ETNK2: variants seen among roughly 807,000 people sequenced by gnomAD.
The protein encoded by ETNK2 is ethanolamine kinase-like protein.
A neutral mutation model predicts 46.2 loss-of-function variants in ETNK2; 33 were observed. The observed-to-expected ratio is 0.71, with a 90% CI of 0.54 to 0.96. The LOEUF (loss-of-function observed/expected upper bound fraction) is 0.96, where lower values mean the gene tolerates loss of function less well. ETNK2 is among the 40% of genes least tolerant of loss of function. ETNK2 has a pLI of 0.00. For synonymous variants in ETNK2, 194 were observed against 209.0 expected (o/e 0.93, Z 0.62); for missense variants, 445 against 509.7 (o/e 0.87, Z 1.22).
At chr1:204,149,511 G>T (rs1288872114) in intron 2 of ETNK2, among the ~76,000 whole-genome samples, 192 bp downstream of exon 2, 3 of 152,160 alleles carry the variant, frequency 2.0e-5, no homozygotes, top group Admixed American at 2.0e-4. Context: ...TCCTCCCCCA[G>T]AACTCACCCT....
At chr1:204,147,890 T>C (rs1657854315) in intron 2 of ETNK2, among the ~76,000 whole-genome samples, 1 of 152,154 alleles carries the variant, frequency 6.6e-6, no homozygotes. Flanking sequence ...CCAGAGGCCC[T>C]GGGGCAGAAG....
Position 204,131,760 on chromosome 1 carries a change from G to C in ETNK2, c.*424C>G, listed in dbSNP as rs1408523755. 3 of 206,600 alleles carry C rather than the reference G, an allele frequency of 1.5e-5. No homozygotes were observed. Among genetic ancestry groups the C allele is most frequent in the Admixed American group, 5.1e-5 (1 of 19,576 alleles). 12.8% of individuals were successfully genotyped at this position (206,600 alleles called of 1,614,324 possible). A position where few individuals can be genotyped will look rare whatever the true frequency, so the allele number is the denominator to read the frequency against. On this transcript the variant is annotated 3_prime_UTR_variant, in exon 8 of 8. Coordinates refer to ENST00000367202, the MANE Select transcript of ETNK2 (RefSeq NM_018208.4). This position sits in a 1 kb window ranked among gnomAD's most constrained non-coding sequence, Gnocchi z 4.3. The stretch of plus-strand genomic sequence containing the variant: ...AGCACCTCCCACATGGGGCATGCAG[G>C]GGGAGACGGACTGGAGGCTCAGGGC...
intron 6 of ETNK2, 173 bp from the exon 7 acceptor site, chr1:204,134,761 C>T: frequency 6.9e-7 from 1 of 1,455,834 alleles, no homozygotes; most frequent in East Asian, 2.3e-5. Flanking sequence ...AGTCACTGCA[C>T]AGCATTTGGC....
Position 204,146,680 on chromosome 1 carries a change from G to C in ETNK2, c.603C>G (p.His201Gln). Residue 201 changes from histidine to glutamine, a missense_variant, in exon 3 of 8, where the codon CAC (histidine) becomes CAG (glutamine). Transcript: ENST00000367202. ...CGTTCTTCACAAGCGTGAAATAATT[G>C]TGCATCTTGTGCCAGAGGATGGGCT... is the stretch of plus-strand genomic sequence containing the variant. The part of the protein sequence containing the change: ...LPKPILWHKM[H>Q]NYFTLVKNEI... 1.9e-6 allele frequency: 3 copies of C among 1,614,038 alleles called. No homozygotes were observed. The highest frequency in any genetic ancestry group is 2.5e-6 in the Non-Finnish European group (3 of 1,179,898).
intron 2 of ETNK2, chr1:204,146,971 C>T (rs1262585313): frequency 2.8e-6 from 2 of 703,466 alleles, no homozygotes; most frequent in African/African-American, 3.5e-5. Context: ...AAGACCTTAG[C>T]CTGGCTGCTC....
chr1:204,133,563 G>A (rs1159052681), intron 7 of ETNK2, among the ~76,000 whole-genome samples: 6 of 145,822 alleles, frequency 4.1e-5, no homozygotes, highest in South Asian at 4.2e-4. Context: ...ACGGAGTCTC[G>A]CTCTGTCGCC....
chr1:204,146,093 TC>T (rs1243269237), intron 3 of ETNK2, among the ~76,000 whole-genome samples: 1 of 151,960 alleles, frequency 6.6e-6, no homozygotes, highest in African/African-American at 2.4e-5. Flanking sequence ...GGGGGCAGGG[TC>T]CCCAAAGGCA....
In ETNK2 at chr1:204,149,853, T is replaced by C; in HGVS notation, c.368A>G (p.Asp123Gly). 1 of 1,602,014 alleles carries C rather than the reference T, an allele frequency of 6.2e-7. No individual in the cohort carries two copies. The highest frequency in any genetic ancestry group is 8.5e-7 in the Non-Finnish European group (1 of 1,174,530). ...VYGERTELLV[D>G]RENEVRNFQL... ...GAAGTTTCTGACCTCATTCTCCCGG[T>C]CCACCAGCAGCTCCGTCCGCTCCCC... Residue 123 changes from aspartate to glycine, a missense_variant, in exon 2 of 8, where the codon GAC (aspartate) becomes GGC (glycine). Asp to Gly is a moderately conservative substitution (Grantham distance 94). Coordinates refer to ENST00000367202, the MANE Select transcript of ETNK2 (RefSeq NM_018208.4).
chr1:204,140,164 G>A, intron 4 of ETNK2, 46 bp from the exon 5 acceptor site: 2 of 1,534,792 alleles, frequency 1.3e-6, no homozygotes, highest in Non-Finnish European at 9.0e-7. Flanking sequence ...AGGAGATCTG[G>A]CAACAGAGCC....
Position 204,149,694 on chromosome 1 carries a change from C to A in ETNK2, c.518+9G>T. ...ATAGTAGAGACAGAGGCCCTGGCAC[C>A]CTCCTCACCTGAAAAGCCGGGGCTC... On this transcript the variant is annotated intron_variant, in intron 2 of 7. Transcript: ENST00000367202. 9 of 1,570,784 alleles carry A rather than the reference C, an allele frequency of 5.7e-6. No individual in the cohort carries two copies. Among genetic ancestry groups the A allele is most frequent in the Non-Finnish European group, 7.8e-6 (9 of 1,157,666 alleles).
chr1:204,134,395 G>A (rs531416433), intron 7 of ETNK2, 120 bp downstream of exon 7: 6 of 1,122,548 alleles, frequency 5.3e-6, no homozygotes, highest in African/African-American at 4.7e-5. Context: ...GAACGGGGGC[G>A]AGTCAGCAGA....
At chr1:204,146,303 A>G (rs2102299660) in intron 3 of ETNK2, among the ~76,000 whole-genome samples, 1 of 152,268 alleles carries the variant, frequency 6.6e-6, no homozygotes, top group African/African-American at 2.4e-5. Context: ...GCCTCTTACA[A>G]GCCCCATAAC....
chr1:204,143,869 C>T (rs1657663632), intron 3 of ETNK2, among the ~76,000 whole-genome samples: 1 of 152,196 alleles, frequency 6.6e-6, no homozygotes, highest in Non-Finnish European at 1.5e-5. Context: ...CTCCCAGCCA[C>T]TCTGGACACA....
At chr1:204,145,420 T>G (rs1383749819) in intron 3 of ETNK2, among the ~76,000 whole-genome samples, 3 of 152,230 alleles carry the variant, frequency 2.0e-5, no homozygotes, top group African/African-American at 7.2e-5. Flanking sequence ...TCCCTGGGCC[T>G]CGGTTTTCCA....
chr1:204,140,160 T>C (rs1323139655), intron 4 of ETNK2, 42 bp from the exon 5 acceptor site: 1 of 1,553,708 alleles, frequency 6.4e-7, no homozygotes, highest in South Asian at 1.1e-5. Flanking sequence ...GCCCAGGAGA[T>C]CTGGCAACAG....
At chr1:204,146,340 T>C (rs1426324689) in intron 3 of ETNK2, among the ~76,000 whole-genome samples, 1 of 152,120 alleles carries the variant, frequency 6.6e-6, no homozygotes, top group African/African-American at 2.4e-5. Flanking sequence ...TCTCTGAGCT[T>C]CGGCATCCCC....
chr1:204,141,914 C>T (rs909723614), intron 3 of ETNK2: 11 of 162,816 alleles, frequency 6.8e-5, no homozygotes, highest in Non-Finnish European at 1.3e-4. Flanking sequence ...GGAGGCGGTG[C>T]AGCTCCCTAA....
Position 204,149,702 on chromosome 1 carries a change from C to A in ETNK2, c.518+1G>T. ...GACAGAGGCCCTGGCACCCTCCTCA[C>A]CTGAAAAGCCGGGGCTCACGGATGT... On this transcript the variant is annotated splice_donor_variant, in intron 2 of 7. Coordinates refer to ENST00000367202, the MANE Select transcript of ETNK2 (RefSeq NM_018208.4). LOFTEE classifies it high-confidence loss of function. 6.3e-7 allele frequency: 1 copy of A among 1,579,676 alleles called. No homozygotes were observed. Among genetic ancestry groups the A allele is most frequent in the Non-Finnish European group, 8.6e-7 (1 of 1,162,852 alleles).
chr1:204,149,995 TGGGTGGGG>T, intron 1 of ETNK2, 33 bp from the exon 2 acceptor site: 2 of 45,166 alleles, frequency 4.4e-5, no homozygotes, highest in Non-Finnish European at 8.4e-5. Flanking sequence ...CGTGGGTGGG[TGGGTGGGG>T]CAGGATCTCT....
Sources: gnomAD v4.1 joint callset for allele counts (sites outside exome capture counted in the v4.1 genomes callset) on GRCh38, gnomAD v4.1.1 for gene constraint, Gnocchi (gnomAD v3.1) non-coding constraint, MANE v1.5 for transcripts, NCBI Gene and HGNC (gene_info 2026-07-23, HGNC 2026-07-21) for gene names.